EPB41L4B: variants seen among roughly 807,000 people sequenced by gnomAD.
EPB41L4B encodes band 4.1-like protein 4B.
In EPB41L4B, 30 loss-of-function variants were observed where a neutral mutation model predicts 112.5. That is an observed-to-expected ratio of 0.27 (90% CI 0.20 to 0.36). The LOEUF is 0.36. Ranked by LOEUF, EPB41L4B falls within the 10% of genes least tolerant of loss-of-function variation. The pLI is 1.00. For missense variants in EPB41L4B, 1,024 were observed against 1,133.3 expected (o/e 0.90, Z 1.38); for synonymous variants, 408 against 439.7 (o/e 0.93, Z 0.90).
intron 1 of EPB41L4B, among the ~76,000 whole-genome samples, chr9:109,287,926 C>G (rs574622328): frequency 7.9e-5 from 12 of 152,316 alleles, no homozygotes; most frequent in African/African-American, 2.4e-4. Flanking sequence ...TGGCCAGCTT[C>G]GGGAAGGCCT....
At chr9:109,276,085 T>C (rs1183839551) in intron 2 of EPB41L4B, among the ~76,000 whole-genome samples, 1 of 148,082 alleles carries the variant, frequency 6.8e-6, no homozygotes, top group African/African-American at 2.5e-5. Flanking sequence ...TATATATACA[T>C]ATATATTATA....
rs1278029192 is a variant in EPB41L4B at position 109,192,327 on chromosome 9, G to T, written c.2252C>A (p.Thr751Asn). 1 of 1,612,460 alleles carries T rather than the reference G, an allele frequency of 6.2e-7. No homozygotes were observed. Among genetic ancestry groups the T allele is most frequent in the South Asian group, 1.1e-5 (1 of 90,794 alleles). Reference sequence around the variant, plus strand: ...CATCAGAAGATCACCCGGCTCCAGGGTAAAGGCACCTCCTCGGTCAGAGGG... The same window carrying T: ...CATCAGAAGATCACCCGGCTCCAGGTTAAAGGCACCTCCTCGGTCAGAGGG... The part of the protein sequence containing the change: ...KSPSDRGGAF[T>N]LEPGDLLMDF... Residue 751 changes from threonine to asparagine, a missense_variant, in exon 22 of 26, where the codon ACC becomes AAC. By Grantham distance (65) the Thr-to-Asn change is moderately conservative. Transcript: ENST00000374566.
Position 109,174,572 on chromosome 9 carries a change from C to T in EPB41L4B, c.2685G>A (p.Leu895=), listed in dbSNP as rs1831742848. 1 of 1,614,092 alleles carries T rather than the reference C, an allele frequency of 6.2e-7. No individual in the cohort carries two copies. The highest frequency in any genetic ancestry group is 8.5e-7 in the Non-Finnish European group (1 of 1,179,976). The change falls in exon 26 of 26, where the codon CTG becomes CTA. Residue 895 remains leucine, a synonymous_variant. Transcript: ENST00000374566. ...GAGAATTTCACAGTTCGGTCATCAACAGTCTTTTCATCATCTTCTCTCTCT... is the reference window on the plus strand; with the variant it reads ...GAGAATTTCACAGTTCGGTCATCAATAGTCTTTTCATCATCTTCTCTCTCT... The part of the protein sequence containing the change: ...ELEREKMMKR[L]LMTEL
rs1313998905 is a variant in EPB41L4B at position 109,243,737 on chromosome 9, C to T, written c.1345-55G>A. 1.9e-6 allele frequency: 3 copies of T among 1,552,488 alleles called. No individual in the cohort carries two copies. The African/African-American group carries it at 4.1e-5, about 21-fold the overall frequency. On this transcript the variant is annotated intron_variant, in intron 14 of 25. Coordinates refer to ENST00000374566, the MANE Select transcript of EPB41L4B (RefSeq NM_019114.5). Reference sequence around the variant, plus strand: ...TGATGACCTTTTAATTTCAATGGTCCTCATTCGCTTTGTCTGTTCCTGGCA... The same window carrying T: ...TGATGACCTTTTAATTTCAATGGTCTTCATTCGCTTTGTCTGTTCCTGGCA...
chr9:109,297,780 A>G (rs1836794077), intron 1 of EPB41L4B, among the ~76,000 whole-genome samples: 2 of 152,242 alleles, frequency 1.3e-5, no homozygotes, highest in African/African-American at 4.8e-5. Flanking sequence ...CTTGAACCCC[A>G]AGCTCCTTGG....
chr9:109,256,374 A>G lies in EPB41L4B; in HGVS notation c.840+19T>C. ...CAGTAACAGCAAAACCAAATTACTT[A>G]AACGCACACAGTTCTTACCCTGACA... On this transcript the variant is annotated intron_variant, in intron 8 of 25. Coordinates refer to ENST00000374566, the MANE Select transcript of EPB41L4B (RefSeq NM_019114.5). 1 of 1,611,410 alleles carries G rather than the reference A, an allele frequency of 6.2e-7. No individual in the cohort carries two copies. Among genetic ancestry groups the G allele is most frequent in the African/African-American group, 1.3e-5 (1 of 74,962 alleles).
intron 22 of EPB41L4B, among the ~76,000 whole-genome samples, chr9:109,189,776 G>A (rs1832397618): frequency 6.6e-6 from 1 of 151,348 alleles, no homozygotes; most frequent in Non-Finnish European, 1.5e-5. Context: ...CTACAGATGT[G>A]TGCCACCATG....
chr9:109,260,815 C>T (rs756591574), intron 6 of EPB41L4B, among the ~76,000 whole-genome samples: 3 of 152,114 alleles, frequency 2.0e-5, no homozygotes, highest in South Asian at 2.1e-4. Flanking sequence ...GTGTCTGTCT[C>T]GGCTCTGGGG....
chr9:109,240,458 C>A (rs1834315615), intron 15 of EPB41L4B: 1 of 985,208 alleles, frequency 1.0e-6, no homozygotes, highest in Non-Finnish European at 1.2e-6. Context: ...GAGGGCCTAA[C>A]ATGGGCAAAA....
intron 1 of EPB41L4B, among the ~76,000 whole-genome samples, chr9:109,295,363 T>C (rs1372190971): frequency 6.6e-6 from 1 of 152,186 alleles, no homozygotes; most frequent in Non-Finnish European, 1.5e-5. Context: ...ACAGGATTGA[T>C]TTTTGACTTT....
intron 17 of EPB41L4B, among the ~76,000 whole-genome samples, chr9:109,210,631 C>A (rs990378413): frequency 6.6e-6 from 1 of 152,128 alleles, no homozygotes; most frequent in African/African-American, 2.4e-5. Flanking sequence ...AATGCAAGAC[C>A]TGTAATATTC....
chr9:109,274,778 T>C (rs2077944841), intron 2 of EPB41L4B, among the ~76,000 whole-genome samples: 1 of 152,220 alleles, frequency 6.6e-6, no homozygotes, highest in Non-Finnish European at 1.5e-5. Flanking sequence ...CTTAGGAACA[T>C]CAGTGTCTCT....
chr9:109,252,738 C>G (rs1834837840), intron 12 of EPB41L4B, among the ~76,000 whole-genome samples: 1 of 152,124 alleles, frequency 6.6e-6, no homozygotes, highest in Non-Finnish European at 1.5e-5. Context: ...ACACTGAGTA[C>G]AAACTGGGCG....
At chr9:109,207,621 T>A (rs1185464087) in intron 18 of EPB41L4B, among the ~76,000 whole-genome samples, 1 of 151,250 alleles carries the variant, frequency 6.6e-6, no homozygotes, top group Admixed American at 6.6e-5. Flanking sequence ...GAGAGGAATA[T>A]TCATGAGCCC....
At chr9:109,272,619 G>A (rs1244597167) in intron 2 of EPB41L4B, among the ~76,000 whole-genome samples, 1 of 152,014 alleles carries the variant, frequency 6.6e-6, no homozygotes, top group African/African-American at 2.4e-5. Flanking sequence ...CAGGTGTGGT[G>A]GTGCATACCT....
At chr9:109,206,175 T>C (rs1832986668) in intron 18 of EPB41L4B, among the ~76,000 whole-genome samples, 1 of 152,206 alleles carries the variant, frequency 6.6e-6, no homozygotes, top group Admixed American at 6.5e-5. Flanking sequence ...TTTACTTTAT[T>C]TAATTATTTA....
chr9:109,245,832 C>G (rs1378853357), intron 14 of EPB41L4B, among the ~76,000 whole-genome samples: 1 of 152,132 alleles, frequency 6.6e-6, no homozygotes, highest in African/African-American at 2.4e-5. Context: ...TCCAAAGGAC[C>G]CGTGGTTGCC....
chr9:109,273,334 C>T (rs1835696436), intron 2 of EPB41L4B, among the ~76,000 whole-genome samples: 1 of 151,900 alleles, frequency 6.6e-6, no homozygotes. Flanking sequence ...GCAACCTCTG[C>T]CTCCTGGGTT....
intron 15 of EPB41L4B, among the ~76,000 whole-genome samples, chr9:109,219,219 A>C (rs1833489322): frequency 6.6e-6 from 1 of 152,162 alleles, no homozygotes. Context: ...AGTGTTCTGG[A>C]ATGTCATCCA....
Sources: allele counts gnomAD v4.1 joint callset (sites outside exome capture counted in the v4.1 genomes callset), GRCh38; gene constraint gnomAD v4.1.1; transcripts MANE v1.5; gene names NCBI Gene and HGNC (gene_info 2026-07-23, HGNC 2026-07-21).